Variants in PRIMPOL observed in about 807,000 individuals in gnomAD.
PRIMPOL encodes primase and DNA directed polymerase.
In PRIMPOL, 54 loss-of-function variants were observed where a neutral mutation model predicts 63.6. The observed-to-expected ratio is 0.85, with a 90% CI of 0.68 to 1.07. PRIMPOL has a LOEUF of 1.07. PRIMPOL is among the 50% of genes least tolerant of loss of function. PRIMPOL has a pLI of 0.00. For missense variants in PRIMPOL, 610 were observed against 648.3 expected, an observed-to-expected ratio of 0.94 and a Z score of 0.64; for synonymous variants, 197 against 220.2, an observed-to-expected ratio of 0.89 and a Z score of 0.93.
rs981044318 is a variant in PRIMPOL at position 184,657,602 on chromosome 4, A to G, written c.180+282A>G. ...AAAAATTGTGATGATATTTAAATGA[A>G]GCTTTATGCTTAGAGGGAGGGGAAC... On this transcript the variant is annotated intron_variant, in intron 3 of 13. Coordinates refer to ENST00000314970, the MANE Select transcript of PRIMPOL (RefSeq NM_152683.4). 7 of 237,460 alleles carry G rather than the reference A, an allele frequency of 2.9e-5. No homozygotes were observed. In the Admixed American group the frequency reaches 3.9e-4, roughly 13 times the overall value. The allele number at this position is 237,460 out of a possible 1,614,324, so 14.7% of individuals were successfully genotyped here. A position where few individuals can be genotyped will look rare whatever the true frequency, so the allele number is the denominator to read the frequency against.
chr4:184,656,341 G>A (rs9992645), intron 2 of PRIMPOL, among the ~76,000 whole-genome samples: 6,507 of 152,134 alleles, frequency 0.043, 462 homozygotes, highest in African/African-American at 0.15. Context: ...AAATGGCAAG[G>A]GGTTTGTGGC....
chr4:184,694,626 T>G lies in PRIMPOL; in HGVS notation c.1530T>G (p.Asp510Glu), dbSNP rs150917934. 3.6e-5 allele frequency: 58 copies of G among 1,614,208 alleles called. No homozygotes were observed. In the Middle Eastern group the frequency reaches 1.5e-3, roughly 41 times the overall value. The change falls in exon 14 of 14, where the codon GAT (aspartate) becomes GAG (glutamate). Residue 510 changes from aspartate (D) to glutamate (E), a missense_variant. By Grantham distance (45) the Asp-to-Glu change is conservative. Coordinates refer to ENST00000314970, the MANE Select transcript of PRIMPOL (RefSeq NM_152683.4). ...GGCTGTCAACAGGTGCATCTGCTGATGCTGTCTGGGATAATGGCATTGATG... is the reference window on the plus strand; with the variant it reads ...GGCTGTCAACAGGTGCATCTGCTGAGGCTGTCTGGGATAATGGCATTGATG... ...PSRLSTGASA[D>E]AVWDNGIDDA...
intron 11 of PRIMPOL, among the ~76,000 whole-genome samples, chr4:184,689,168 C>T (rs998794356): frequency 2.0e-5 from 3 of 149,860 alleles, no homozygotes; most frequent in African/African-American, 5.1e-5. Context: ...TGGGCTTGAG[C>T]GATCTTCCTG....
chr4:184,690,462 CTTATTTAT>C (rs1010874398), intron 11 of PRIMPOL, among the ~76,000 whole-genome samples: 1 of 151,562 alleles, frequency 6.6e-6, no homozygotes, highest in Non-Finnish European at 1.5e-5. Flanking sequence ...TATTTATTTA[CTTATTTAT>C]TTATTTAGAG....
In PRIMPOL at chr4:184,670,390, G is replaced by A. The variant is rs1751248031; in HGVS notation, c.557-1783G>A. ...GCTTTGTTGTCCTTTGATATGTTGT[G>A]ATTTCTTTTCACTTGGTGTTTACTT... On this transcript the variant is annotated intron_variant, in intron 6 of 13. Coordinates refer to ENST00000314970, the MANE Select transcript of PRIMPOL (RefSeq NM_152683.4). Among the ~76,000 whole-genome samples, 6 of 152,232 alleles carry A rather than the reference G, an allele frequency of 3.9e-5. 1 individual carries two copies. The South Asian group carries it at 1.2e-3, about 32-fold the overall frequency.
chr4:184,691,195 A>G (rs1758428226), intron 11 of PRIMPOL, among the ~76,000 whole-genome samples: 1 of 152,050 alleles, frequency 6.6e-6, no homozygotes, highest in African/African-American at 2.4e-5. Context: ...TTTGTTTATC[A>G]TTGTGGTCCT....
At chr4:184,679,612 A>G (rs1213039284) in intron 8 of PRIMPOL, among the ~76,000 whole-genome samples, 1 of 152,216 alleles carries the variant, frequency 6.6e-6, no homozygotes, top group Admixed American at 6.5e-5. Context: ...CATCCATGTT[A>G]GAAGGTAGTG....
At chr4:184,676,187 G>A (rs74520639) in intron 7 of PRIMPOL, among the ~76,000 whole-genome samples, 5 of 151,606 alleles carry the variant, frequency 3.3e-5, no homozygotes, top group Non-Finnish European at 5.9e-5. Context: ...CAATCCTGCC[G>A]CCTTAAACTC....
At chr4:184,656,663 A>AAC (rs1410308546) in intron 2 of PRIMPOL, among the ~76,000 whole-genome samples, 1 of 152,178 alleles carries the variant, frequency 6.6e-6, no homozygotes, top group Admixed American at 6.5e-5. Flanking sequence ...TAGCACAAGA[A>AAC]TGGGTGGACA....
At chr4:184,681,833 C>A (rs904662073) in intron 8 of PRIMPOL, among the ~76,000 whole-genome samples, 4 of 152,166 alleles carry the variant, frequency 2.6e-5, no homozygotes, top group African/African-American at 7.2e-5. Flanking sequence ...CTCAGCCTCC[C>A]AAAGTCCTGG....
At chr4:184,667,411 A>C (rs570622290) in intron 6 of PRIMPOL, among the ~76,000 whole-genome samples, 2,895 of 151,468 alleles carry the variant, frequency 0.019, 99 homozygotes, top group African/African-American at 0.065. Context: ...CCCGGGTTCA[A>C]GCGATTCTCC....
chr4:184,654,606 A>G (rs948237935), intron 2 of PRIMPOL, among the ~76,000 whole-genome samples: 1 of 151,652 alleles, frequency 6.6e-6, no homozygotes, highest in Non-Finnish European at 1.5e-5. Context: ...ACCCACCACC[A>G]CGCCCAGCTA....
intron 9 of PRIMPOL, among the ~76,000 whole-genome samples, chr4:184,683,721 G>GT (rs148494160): frequency 0.029 from 4,413 of 151,912 alleles, 217 homozygotes; most frequent in African/African-American, 0.1. Context: ...AACATAGAGT[G>GT]TTTTTTTCAA....
At chr4:184,681,914 G>A (rs924493208) in intron 8 of PRIMPOL, among the ~76,000 whole-genome samples, 2 of 152,144 alleles carry the variant, frequency 1.3e-5, no homozygotes, top group East Asian at 3.8e-4. Flanking sequence ...TTGATCTGCT[G>A]TTGGTTGAAT....
At chr4:184,671,744 T>G (rs919709467) in intron 6 of PRIMPOL, among the ~76,000 whole-genome samples, 3 of 149,404 alleles carry the variant, frequency 2.0e-5, no homozygotes, top group African/African-American at 7.4e-5. Flanking sequence ...CTCGGTTTTT[T>G]TTTTTTTTTT....
At chr4:184,654,195 C>A (rs1438250564) in intron 2 of PRIMPOL, among the ~76,000 whole-genome samples, 1 of 152,192 alleles carries the variant, frequency 6.6e-6, no homozygotes, top group Non-Finnish European at 1.5e-5. Context: ...GTACGAATAT[C>A]CACATAGTCA....
chr4:184,652,232 G>C (rs575911906), intron 2 of PRIMPOL, 132 bp downstream of exon 2: 1 of 152,370 alleles, frequency 6.6e-6, no homozygotes, highest in South Asian at 2.1e-4. Flanking sequence ...TTTAGGGCCA[G>C]ATTCTGGAGG....
chr4:184,691,628 CTG>C, intron 12 of PRIMPOL, 36 bp from the exon 13 acceptor site: 2 of 1,599,702 alleles, frequency 1.3e-6, no homozygotes, highest in African/African-American at 2.7e-5. Flanking sequence ...AATTAGATAA[CTG>C]TAATATGTAA....
At chr4:184,692,814 A>G (rs1011093491) in intron 13 of PRIMPOL, among the ~76,000 whole-genome samples, 1 of 152,090 alleles carries the variant, frequency 6.6e-6, no homozygotes, top group Non-Finnish European at 1.5e-5. Flanking sequence ...ATCACTACCA[A>G]TCTGGTAGGC....
Sources: allele counts gnomAD v4.1 joint callset (sites outside exome capture counted in the v4.1 genomes callset), GRCh38; gene constraint gnomAD v4.1.1; transcripts MANE v1.5; gene names NCBI Gene and HGNC (gene_info 2026-07-23, HGNC 2026-07-21).